PEF1: variants seen among roughly 807,000 people sequenced by gnomAD.
The protein encoded by PEF1 is peflin.
Under a neutral mutation model 32.0 loss-of-function variants are expected in PEF1, and 17 were observed. That is an observed-to-expected ratio of 0.53 (90% CI 0.36 to 0.80). The LOEUF (loss-of-function observed/expected upper bound fraction) is 0.80, where lower values mean the gene tolerates loss of function less well. Ranked by LOEUF, PEF1 falls within the 30% of genes least tolerant of loss-of-function variation. The pLI is 0.00. For synonymous variants in PEF1, 130 were observed against 139.8 expected, an observed-to-expected ratio of 0.93 and a Z score of 0.50; for missense variants, 362 against 369.1, an observed-to-expected ratio of 0.98 and a Z score of 0.16.
chr1:31,642,744 G>A (rs1317930997), intron 1 of PEF1, among the ~76,000 whole-genome samples: 3 of 152,180 alleles, frequency 2.0e-5, no homozygotes, highest in Non-Finnish European at 4.4e-5. Context: ...AGCAGTCACG[G>A]CAGCAAGAGC....
At chr1:31,636,080 A>T (rs754721012) in intron 1 of PEF1, among the ~76,000 whole-genome samples, 3 of 151,864 alleles carry the variant, frequency 2.0e-5, no homozygotes, top group Non-Finnish European at 4.4e-5. Context: ...CTCACTCACA[A>T]CTCTGTGAGG....
chr1:31,644,801 A>G, intron 1 of PEF1, 40 bp downstream of exon 1: 2 of 1,612,840 alleles, frequency 1.2e-6, no homozygotes, highest in Non-Finnish European at 1.7e-6. Context: ...TGCGCCTGGC[A>G]CCGCCGCTAC....
chr1:31,644,487 A>G, intron 1 of PEF1: 1 of 1,243,570 alleles, frequency 8.0e-7, no homozygotes, highest in Non-Finnish European at 1.0e-6. Context: ...CGGCGGAACC[A>G]GAACTCTAAA....
At chr1:31,641,446 T>C (rs1202332096) in intron 1 of PEF1, among the ~76,000 whole-genome samples, 1 of 152,154 alleles carries the variant, frequency 6.6e-6, no homozygotes, top group Non-Finnish European at 1.5e-5. Flanking sequence ...TCACTACTCT[T>C]AGGATGAAGT....
intron 3 of PEF1, among the ~76,000 whole-genome samples, chr1:31,632,958 G>A (rs1231010608): frequency 6.6e-6 from 1 of 152,186 alleles, no homozygotes; most frequent in Non-Finnish European, 1.5e-5. Flanking sequence ...CTGTAACTAG[G>A]CAGGGTCTAG....
intron 1 of PEF1, among the ~76,000 whole-genome samples, chr1:31,642,098 T>G (rs755101512): frequency 7.9e-5 from 12 of 152,162 alleles, no homozygotes; most frequent in African/African-American, 2.9e-4. Context: ...CCAGGTGTGG[T>G]GGCGTGCGCC....
In PEF1 at chr1:31,632,578, T is replaced by A; in HGVS notation, c.542A>T (p.Lys181Ile). 6.2e-7 allele frequency: 1 copy of A among 1,614,216 alleles called. No homozygotes were observed. The highest frequency in any genetic ancestry group is 8.5e-7 in the Non-Finnish European group (1 of 1,180,040). Residue 181 changes from lysine (K) to isoleucine (I), a missense_variant, in exon 4 of 5, where the codon AAA (lysine) becomes ATA (isoleucine). Physicochemically the swap from Lys to Ile is moderately radical, Grantham distance 102. Transcript: ENST00000373703. Reference protein sequence around the residue: ...IDVYGFSALWKFIQQWKNLFQ... With the variant: ...IDVYGFSALWIFIQQWKNLFQ... ...GAGGTTCTTCCACTGCTGGATGAAT[T>A]TCCACAGGGCTGAGAAGCCGTAGAC...
rs1255996568 is a variant in PEF1, at chr1:31,632,652, G to A, written c.482-14C>T. On this transcript the variant is annotated splice_polypyrimidine_tract_variant and intron_variant, in intron 3 of 4. Coordinates refer to ENST00000373703, the MANE Select transcript of PEF1 (RefSeq NM_012392.4). The stretch of plus-strand genomic sequence containing the variant: ...TGTCAAACATGTCTGAAGGTGAGGA[G>A]GGAAAGGAGGGGAGGAAGGCTTCAA... 6.2e-7 allele frequency: 1 copy of A among 1,611,916 alleles called. No individual in the cohort carries two copies. Among genetic ancestry groups the A allele is most frequent in the Non-Finnish European group, 8.5e-7 (1 of 1,178,536 alleles).
intron 2 of PEF1, chr1:31,634,719 C>A: frequency 2.6e-6 from 1 of 384,160 alleles, no homozygotes; most frequent in Non-Finnish European, 5.2e-6. Flanking sequence ...CATTGTACAT[C>A]CTCTCCCACT....
chr1:31,635,790 C>G (rs1640239286), intron 1 of PEF1, among the ~76,000 whole-genome samples: 1 of 152,190 alleles, frequency 6.6e-6, no homozygotes, highest in Non-Finnish European at 1.5e-5. Flanking sequence ...AGGGGCTCCA[C>G]AAGGGCTAGG....
intron 1 of PEF1, among the ~76,000 whole-genome samples, chr1:31,639,594 C>T (rs145220774): frequency 4.7e-4 from 71 of 152,246 alleles, no homozygotes; most frequent in African/African-American, 1.7e-3. Context: ...TAACCAGCGG[C>T]GGTGTGGAGG....
intron 2 of PEF1, chr1:31,634,732 C>T: frequency 2.5e-6 from 1 of 403,406 alleles, no homozygotes; most frequent in East Asian, 7.2e-5. Flanking sequence ...CTCCCACTGC[C>T]TGGTGGCTTG....
intron 1 of PEF1, 84 bp from the exon 2 acceptor site, chr1:31,635,606 C>CA: frequency 7.8e-7 from 1 of 1,288,366 alleles, no homozygotes; most frequent in Non-Finnish European, 1.0e-6. Flanking sequence ...AAAGCACTTC[C>CA]ACCACCATCC....
rs1288325746 is a variant in PEF1 at position 31,644,750 on chromosome 1, C to T, written c.24+91G>A. The T allele has an allele frequency of 1.1e-5, 18 of 1,604,268 alleles. No individual in the cohort carries two copies. In the South Asian group the frequency reaches 1.8e-4, roughly 16 times the overall value. On this transcript the variant is annotated intron_variant, in intron 1 of 4. Coordinates refer to ENST00000373703, the MANE Select transcript of PEF1 (RefSeq NM_012392.4). ...TGAAGCGAACCCATCGTGGGAAGGG[C>T]GCGGAGAAAGCGGGGAGAAAGAGCA...
At position 31,644,707 on chromosome 1, in the gene PEF1, TACAGCGCAAGGCC is replaced by T. The variant is rs564892633; in HGVS notation, c.24+121_24+133del. 3 of 1,544,354 alleles carry T rather than the reference TACAGCGCAAGGCC, an allele frequency of 1.9e-6. 1 individual carries two copies. In the South Asian group the frequency reaches 3.6e-5, roughly 18 times the overall value. ...GACCGACGGTCCCTTTTCGGTTCTCTACAGCGCAAGGCCTCGCTGAAGCGAACCCATCGTGGGA... is the reference window on the plus strand; with the variant it reads ...GACCGACGGTCCCTTTTCGGTTCTCTTCGCTGAAGCGAACCCATCGTGGGA... On this transcript the variant is annotated intron_variant, in intron 1 of 4. Coordinates refer to ENST00000373703, the MANE Select transcript of PEF1 (RefSeq NM_012392.4).
intron 4 of PEF1, among the ~76,000 whole-genome samples, chr1:31,631,258 A>C (rs1310340306): frequency 1.3e-5 from 2 of 152,252 alleles, no homozygotes; most frequent in Non-Finnish European, 2.9e-5. Flanking sequence ...GCCACTGGGC[A>C]AGTTGCTTAG....
Position 31,632,385 on chromosome 1 carries a change from A to C in PEF1, c.625+110T>G, listed in dbSNP as rs551685481. On this transcript the variant is annotated intron_variant, in intron 4 of 4. Coordinates refer to ENST00000373703, the MANE Select transcript of PEF1 (RefSeq NM_012392.4). ...GCCTGCACTGAGAACAGCATTTTGTAGTGCAGGTGGACATTCGGTAACAAG... is the reference window on the plus strand; with the variant it reads ...GCCTGCACTGAGAACAGCATTTTGTCGTGCAGGTGGACATTCGGTAACAAG... 121 of 1,552,374 alleles carry C rather than the reference A, an allele frequency of 7.8e-5. No homozygotes were observed. In the African/African-American group the frequency reaches 1.5e-3, roughly 19 times the overall value.
At chr1:31,644,763 G>A (rs1640507379) in intron 1 of PEF1, 78 bp downstream of exon 1, 1 of 1,609,546 alleles carries the variant, frequency 6.2e-7, no homozygotes. Context: ...GGAGAAAGCG[G>A]GGAGAAAGAG....
rs1342107795 is a variant in PEF1, at chr1:31,635,478, A to C, written c.69T>G (p.Gly23=). ...AAGQAPGAPP[G]SYYPGPPNSG... ...TATTGGGGGGTCCAGGGTAGTAGCTACCCGGAGGGGCTCCTGGTGCTTGTC... is the reference window on the plus strand; with the variant it reads ...TATTGGGGGGTCCAGGGTAGTAGCTCCCCGGAGGGGCTCCTGGTGCTTGTC... The change falls in exon 2 of 5, where the codon GGT becomes GGG. Residue 23 remains glycine (G), a synonymous_variant. Coordinates refer to ENST00000373703, the MANE Select transcript of PEF1 (RefSeq NM_012392.4). 1 of 1,534,390 alleles carries C rather than the reference A, an allele frequency of 6.5e-7. No individual in the cohort carries two copies. Among genetic ancestry groups the C allele is most frequent in the Non-Finnish European group, 8.8e-7 (1 of 1,140,028 alleles).
Sources: allele counts gnomAD v4.1 joint callset (sites outside exome capture counted in the v4.1 genomes callset), GRCh38; gene constraint gnomAD v4.1.1; transcripts MANE v1.5; gene names NCBI Gene and HGNC (gene_info 2026-07-23, HGNC 2026-07-21).